Variants in SUGCT observed in about 807,000 individuals in gnomAD.
SUGCT encodes the protein succinyl-CoA:glutarate CoA-transferase.
A neutral mutation model predicts 55.0 loss-of-function variants in SUGCT; 41 were observed. That is an observed-to-expected ratio of 0.74 (90% confidence interval 0.58 to 0.97). SUGCT has a LOEUF of 0.97. Among genes scored for constraint, SUGCT ranks in the 50% least tolerant of loss-of-function variants. The pLI is 0.00. For missense variants in SUGCT, 568 were observed against 547.8 expected, an observed-to-expected ratio of 1.04 and a Z score of -0.37; for synonymous variants, 187 against 200.4, an observed-to-expected ratio of 0.93 and a Z score of 0.56.
At chr7:40,356,236 G>A (rs574443263) in intron 9 of SUGCT, among the ~76,000 whole-genome samples, 2 of 152,304 alleles carry the variant, frequency 1.3e-5, no homozygotes, top group South Asian at 2.1e-4. Context: ...AGTTGTCATC[G>A]AAATGACTTT....
At chr7:40,714,094 C>T (rs949488825) in intron 12 of SUGCT, among the ~76,000 whole-genome samples, 1 of 152,138 alleles carries the variant, frequency 6.6e-6, no homozygotes, top group Non-Finnish European at 1.5e-5. Flanking sequence ...CTTTGGGAGG[C>T]CAAGGCAGGA....
chr7:40,336,734 G>A (rs1053317016), intron 9 of SUGCT, among the ~76,000 whole-genome samples: 50 of 152,102 alleles, frequency 3.3e-4, no homozygotes, highest in Non-Finnish European at 1.9e-4. Flanking sequence ...AGGGTTTTTT[G>A]TGTCTCTATC....
intron 10 of SUGCT, among the ~76,000 whole-genome samples, chr7:40,454,789 T>C (rs1789386971): frequency 6.6e-6 from 1 of 152,144 alleles, no homozygotes; most frequent in Non-Finnish European, 1.5e-5. Flanking sequence ...GAAGGTTAAA[T>C]AAAGATGTTC....
chr7:40,358,717 A>AAACAACAACAACAACAAC lies in SUGCT; in HGVS notation c.816+41876_816+41877insCAACAACAACAACAACAA, dbSNP rs71560193. Among the ~76,000 whole-genome samples the AAACAACAACAACAACAAC allele has an allele frequency of 2.8e-3, 420 of 150,770 alleles. 1 individual carries two copies. Among genetic ancestry groups the AAACAACAACAACAACAAC allele is most frequent in the African/African-American group, 5.1e-3 (207 of 40,914 alleles). On this transcript the variant is annotated intron_variant, in intron 9 of 13. Transcript: ENST00000335693. ...CAACAAGAGCAAAACTCCATCTCAA[A>AAACAACAACAACAACAAC]AACAACAACAACAATAACAACAACA...
chr7:40,470,730 A>G (rs1302493922), intron 11 of SUGCT, among the ~76,000 whole-genome samples: 2 of 150,970 alleles, frequency 1.3e-5, no homozygotes, highest in Admixed American at 6.6e-5. Flanking sequence ...TGGCTAGGAA[A>G]AGAAACTAAG....
At chr7:40,230,763 T>C (rs1007009268) in intron 6 of SUGCT, among the ~76,000 whole-genome samples, 12 of 152,160 alleles carry the variant, frequency 7.9e-5, no homozygotes, top group Non-Finnish European at 1.3e-4. Context: ...CCTTGGACTT[T>C]CTGGTGGAGA....
chr7:40,218,454 G>C (rs113396174), intron 6 of SUGCT, among the ~76,000 whole-genome samples: 1 of 152,200 alleles, frequency 6.6e-6, no homozygotes, highest in Non-Finnish European at 1.5e-5. Context: ...TCTTTGGGAC[G>C]TTGTTGAGCG....
chr7:40,814,926 G>A (rs1028389498), intron 13 of SUGCT, among the ~76,000 whole-genome samples: 2 of 151,974 alleles, frequency 1.3e-5, no homozygotes, highest in Admixed American at 1.3e-4. Flanking sequence ...TGATGTGACT[G>A]TAGAGAATGC....
the SUGCT span, among the ~76,000 whole-genome samples, chr7:41,030,548 C>G: frequency 8.5e-5 from 13 of 152,184 alleles, no homozygotes; most frequent in Non-Finnish European, 1.5e-4. Context: ...CCTCTCGTCC[C>G]TCCCTTTACA....
At chr7:40,822,638 G>T (rs909483303) in intron 13 of SUGCT, among the ~76,000 whole-genome samples, 5 of 152,108 alleles carry the variant, frequency 3.3e-5, no homozygotes, top group Admixed American at 6.6e-5. Flanking sequence ...TGCATATGTA[G>T]GGGAGAAAAT....
intron 9 of SUGCT, among the ~76,000 whole-genome samples, chr7:40,415,711 A>G (rs190553606): frequency 3.3e-5 from 5 of 152,228 alleles, no homozygotes; most frequent in Admixed American, 3.3e-4. Flanking sequence ...TTACTTACAG[A>G]TAGATAACTA....
intron 8 of SUGCT, among the ~76,000 whole-genome samples, chr7:40,300,113 G>A (rs1277399269): frequency 6.6e-6 from 1 of 152,228 alleles, no homozygotes; most frequent in Non-Finnish European, 1.5e-5. Flanking sequence ...TGTTTTGTGT[G>A]TATTCCCTTG....
At chr7:40,904,034 G>A in the SUGCT span, among the ~76,000 whole-genome samples, 4 of 152,146 alleles carry the variant, frequency 2.6e-5, no homozygotes, top group Admixed American at 1.3e-4. Context: ...CTTCCTAGCC[G>A]GCCAACCACC....
intron 10 of SUGCT, among the ~76,000 whole-genome samples, chr7:40,455,099 G>T (rs1389917235): frequency 6.6e-6 from 1 of 152,078 alleles, no homozygotes; most frequent in African/African-American, 2.4e-5. Flanking sequence ...GGAGAGTAAA[G>T]GGACTATATT....
At chr7:40,574,933 A>G (rs1796644459) in intron 12 of SUGCT, among the ~76,000 whole-genome samples, 1 of 152,230 alleles carries the variant, frequency 6.6e-6, no homozygotes, top group African/African-American at 2.4e-5. Flanking sequence ...GAAAGAGGGC[A>G]CATCTTTTCT....
the SUGCT span, among the ~76,000 whole-genome samples, chr7:41,030,101 T>C: frequency 2.0e-5 from 3 of 152,260 alleles, no homozygotes; most frequent in Non-Finnish European, 4.4e-5. Context: ...TCACTTGTTT[T>C]ATTGTTGATT....
At chr7:40,825,824 C>A (rs1286966526) in intron 13 of SUGCT, among the ~76,000 whole-genome samples, 1 of 152,142 alleles carries the variant, frequency 6.6e-6, no homozygotes, top group East Asian at 1.9e-4. Flanking sequence ...TCTAAAAAAG[C>A]CCCCATGGCA....
At position 40,860,476 on chromosome 7, in the gene SUGCT, C is replaced by T. The variant is rs1563055483; in HGVS notation, c.1314C>T (p.His438=). ...GAGTGGTGGACCAACATGAAACTCA[C>T]TGACAAAGGAAAAGGGCTCTTCCTC... ...SAGVVDQHET[H] The change falls in exon 14 of 14, where the codon CAC becomes CAT. Residue 438 remains histidine, a synonymous_variant. Coordinates refer to ENST00000335693, the MANE Select transcript of SUGCT (RefSeq NM_001193313.2). 1.2e-6 allele frequency: 2 copies of T among 1,609,300 alleles called. No homozygotes were observed. Among genetic ancestry groups the T allele is most frequent in the South Asian group, 1.1e-5 (1 of 90,772 alleles).
At chr7:40,682,494 C>T (rs1034298663) in intron 12 of SUGCT, among the ~76,000 whole-genome samples, 1 of 152,070 alleles carries the variant, frequency 6.6e-6, no homozygotes, top group East Asian at 1.9e-4. Context: ...AGCTTTAATC[C>T]GTGTGATCTG....
Sources: allele counts gnomAD v4.1 joint callset (sites outside exome capture counted in the v4.1 genomes callset), GRCh38; gene constraint gnomAD v4.1.1; transcripts MANE v1.5; gene names NCBI Gene and HGNC (gene_info 2026-07-23, HGNC 2026-07-21).